ERGIC1: variants seen among roughly 807,000 people sequenced by gnomAD.
ERGIC1 encodes the protein endoplasmic reticulum-Golgi intermediate compartment protein 1.
Under a neutral mutation model 38.3 loss-of-function variants are expected in ERGIC1, and 19 were observed. The observed-to-expected ratio is 0.50, with a 90% CI of 0.35 to 0.73. The LOEUF (loss-of-function observed/expected upper bound fraction) is 0.73, where lower values mean the gene tolerates loss of function less well. Ranked by LOEUF, ERGIC1 falls within the 30% of genes least tolerant of loss-of-function variation. The pLI is 0.01. For synonymous variants in ERGIC1, 124 were observed against 157.6 expected, an observed-to-expected ratio of 0.79 and a Z score of 1.60; for missense variants, 294 against 389.2, an observed-to-expected ratio of 0.76 and a Z score of 2.06.
intron 5 of ERGIC1, among the ~76,000 whole-genome samples, 189 bp from the exon 6 acceptor site, chr5:172,923,816 T>G: frequency 6.6e-6 from 1 of 152,222 alleles, no homozygotes; most frequent in South Asian, 2.1e-4. Context: ...GCCCCCATTC[T>G]GCAGATGAGG....
intron 1 of ERGIC1, among the ~76,000 whole-genome samples, chr5:172,842,898 C>G (rs1435816774): frequency 6.6e-6 from 1 of 152,172 alleles, no homozygotes; most frequent in East Asian, 1.9e-4. Flanking sequence ...AATCCCAGCA[C>G]TTTGGGAGGC....
chr5:172,923,434 A>C (rs981657583), intron 5 of ERGIC1, among the ~76,000 whole-genome samples: 2 of 152,226 alleles, frequency 1.3e-5, no homozygotes, highest in Admixed American at 6.5e-5. Context: ...CTCCTGCCAC[A>C]TGGTTGTCAC....
intron 7 of ERGIC1, among the ~76,000 whole-genome samples, chr5:172,927,579 CTTTTTTT>C (rs35565131): frequency 7.6e-6 from 1 of 131,306 alleles, no homozygotes; most frequent in African/African-American, 2.9e-5. Context: ...CTCTGCTGTG[CTTTTTTT>C]TTTTTTTTTT....
At chr5:172,896,911 C>A (rs1762737304) in intron 2 of ERGIC1, 91 bp from the exon 3 acceptor site, 1 of 1,222,994 alleles carries the variant, frequency 8.2e-7, no homozygotes, top group South Asian at 1.3e-5. Context: ...ACACCCTTGT[C>A]CTGGGGCCTC....
intron 5 of ERGIC1, among the ~76,000 whole-genome samples, chr5:172,922,822 T>C (rs1763555377): frequency 6.6e-6 from 1 of 151,990 alleles, no homozygotes; most frequent in Non-Finnish European, 1.5e-5. Flanking sequence ...TGATGTAGGG[T>C]TTAAAAAGAT....
chr5:172,905,772 T>G (rs968810788), intron 3 of ERGIC1, among the ~76,000 whole-genome samples: 1 of 152,074 alleles, frequency 6.6e-6, no homozygotes, highest in Non-Finnish European at 1.5e-5. Flanking sequence ...GTTGCAAGAC[T>G]TAATAGAGTG....
chr5:172,861,901 A>C (rs1379379487), intron 1 of ERGIC1, among the ~76,000 whole-genome samples: 1 of 152,218 alleles, frequency 6.6e-6, no homozygotes, highest in Non-Finnish European at 1.5e-5. Context: ...GAAACGTAGA[A>C]AGACATAGTT....
Position 172,896,899 on chromosome 5 carries a change from C to CTGGGG in ERGIC1, c.83-103_83-102insTGGGG, listed in dbSNP as rs1762736854. 1.7e-5 allele frequency: 19 copies of CTGGGG among 1,095,864 alleles called. No homozygotes were observed. In the South Asian group the frequency reaches 2.4e-4, roughly 14 times the overall value. The allele number at this position is 1,095,864 out of a possible 1,614,324, so 67.9% of individuals were successfully genotyped here. On this transcript the variant is annotated intron_variant, in intron 2 of 9. Transcript: ENST00000393784. ...CTCTGGAGGGTCTGTGGGCACAGCC[C>CTGGGG]CACACCCTTGTCCTGGGGCCTCTTT...
At chr5:172,840,083 C>G (rs1761123933) in intron 1 of ERGIC1, among the ~76,000 whole-genome samples, 2 of 152,154 alleles carry the variant, frequency 1.3e-5, no homozygotes, top group African/African-American at 4.8e-5. Flanking sequence ...AGCGTGATAC[C>G]TGATTCTGAA....
chr5:172,909,166 C>CCCTTTTTTTTTTTT (rs1763140093), intron 3 of ERGIC1, among the ~76,000 whole-genome samples: 1 of 52,104 alleles, frequency 1.9e-5, no homozygotes. Context: ...CAGCCCTCCC[C>CCCTTTTTTTTTTTT]TCTTTTTTTT....
At chr5:172,838,783 C>G (rs1761090526) in intron 1 of ERGIC1, among the ~76,000 whole-genome samples, 1 of 152,164 alleles carries the variant, frequency 6.6e-6, no homozygotes, top group Admixed American at 6.5e-5. Context: ...GTAGCCCCAT[C>G]AGTTCCTACA....
chr5:172,938,184 G>C (rs895757483), intron 9 of ERGIC1, among the ~76,000 whole-genome samples: 7 of 152,208 alleles, frequency 4.6e-5, no homozygotes, highest in Non-Finnish European at 7.4e-5. Context: ...CCAAGACCCC[G>C]CAGGGTAGCA....
rs770542140 is a variant in ERGIC1 at position 172,914,703 on chromosome 5, G to A, written c.251-11G>A. 6.2e-7 allele frequency: 1 copy of A among 1,613,984 alleles called. No homozygotes were observed. Among genetic ancestry groups the A allele is most frequent in the Admixed American group, 1.7e-5 (1 of 60,016 alleles). ...GGGTTTGTGACTGTTGTCTCCCTTT[G>A]GCTCCTGCAGTGGTTGGGCTTGACA... On this transcript the variant is annotated splice_polypyrimidine_tract_variant and intron_variant, in intron 4 of 9. Coordinates refer to ENST00000393784, the MANE Select transcript of ERGIC1 (RefSeq NM_001031711.3).
At chr5:172,950,673 T>G (rs368471366) in intron 9 of ERGIC1, 36 bp from the exon 10 acceptor site, 2 of 1,589,640 alleles carry the variant, frequency 1.3e-6, no homozygotes, top group Middle Eastern at 1.7e-4. Flanking sequence ...CAGCACTGAC[T>G]TCTGACACTC....
intron 5 of ERGIC1, chr5:172,915,128 T>A (rs1277174339): frequency 1.5e-6 from 1 of 686,388 alleles, no homozygotes; most frequent in Non-Finnish European, 2.7e-6. Flanking sequence ...CAGCCCTGGG[T>A]TCAAGTCCCA....
At chr5:172,836,523 G>A (rs2125341) in intron 1 of ERGIC1, among the ~76,000 whole-genome samples, 34,115 of 152,110 alleles carry the variant, frequency 0.22, 4,187 homozygotes, top group East Asian at 0.38. Flanking sequence ...TGAGCCATGT[G>A]TGCCCAGCAA....
intron 1 of ERGIC1, among the ~76,000 whole-genome samples, chr5:172,871,557 C>G (rs917400256): frequency 1.3e-5 from 2 of 152,254 alleles, no homozygotes; most frequent in Admixed American, 1.3e-4. Context: ...GTCTCTCCCA[C>G]TAGGAGATAA....
intron 2 of ERGIC1, among the ~76,000 whole-genome samples, chr5:172,893,038 G>A (rs1353299734): frequency 6.6e-6 from 1 of 152,222 alleles, no homozygotes; most frequent in African/African-American, 2.4e-5. Context: ...GTGCTCTGGT[G>A]TGGATAGAAT....
intron 2 of ERGIC1, 123 bp downstream of exon 2, chr5:172,888,883 T>TGA: frequency 1.1e-6 from 1 of 932,768 alleles, no homozygotes; most frequent in Non-Finnish European, 1.7e-6. Flanking sequence ...AAAGAAATGC[T>TGA]GAGCATCTTG....
Sources: gnomAD v4.1 joint callset for allele counts (sites outside exome capture counted in the v4.1 genomes callset) on GRCh38, gnomAD v4.1.1 for gene constraint, MANE v1.5 for transcripts, NCBI Gene and HGNC (gene_info 2026-07-23, HGNC 2026-07-21) for gene names.